Variants in FNBP1 observed in about 807,000 individuals in gnomAD.
FNBP1 encodes the protein formin binding protein 1.
A neutral mutation model predicts 90.6 loss-of-function variants in FNBP1; 26 were observed. That is an observed-to-expected ratio of 0.29 (90% CI 0.21 to 0.40). The LOEUF is 0.40. FNBP1 is among the 10% of genes least tolerant of loss of function. FNBP1 has a pLI of 1.00. For missense variants in FNBP1, 635 were observed against 768.0 expected (o/e 0.83, Z 2.05); for synonymous variants, 260 against 265.2 (o/e 0.98, Z 0.19).
At chr9:130,011,401 T>C (rs1297974738) in intron 1 of FNBP1, among the ~76,000 whole-genome samples, 1 of 151,872 alleles carries the variant, frequency 6.6e-6, no homozygotes, top group East Asian at 1.9e-4. Context: ...GCTAAGGTTT[T>C]AATGAATGTA....
Position 129,889,091 on chromosome 9 carries a change from G to T in FNBP1, c.*1448C>A, listed in dbSNP as rs1035398495. 15 of 215,342 alleles carry T rather than the reference G, an allele frequency of 7.0e-5. No individual in the cohort carries two copies. Among genetic ancestry groups the T allele is most frequent in the South Asian group, 5.8e-4 (3 of 5,184 alleles). 13.3% of individuals were successfully genotyped at this position (215,342 alleles called of 1,614,324 possible). A position where few individuals can be genotyped will look rare whatever the true frequency, so the allele number is the denominator to read the frequency against. ...TGCTCTAAGGCGTGGCGGGGGGGGG[G>T]GGTGGTGGCCACAGATTAGGGGACC... On this transcript the variant is annotated 3_prime_UTR_variant, in exon 17 of 17. Transcript: ENST00000446176.
At chr9:129,924,178 G>A (rs2041536290) in intron 9 of FNBP1, among the ~76,000 whole-genome samples, 152 bp from the exon 10 acceptor site, 1 of 152,184 alleles carries the variant, frequency 6.6e-6, no homozygotes, top group African/African-American at 2.4e-5. Flanking sequence ...ACATGTAGGA[G>A]GTGGTTAAAT....
At chr9:130,049,786 CCCTTT>C in the FNBP1 span, among the ~76,000 whole-genome samples, 4 of 152,082 alleles carry the variant, frequency 2.6e-5, no homozygotes, top group African/African-American at 7.2e-5. Context: ...AGTATCAGTT[CCCTTT>C]CCTTTCCTCC....
chr9:130,012,885 C>T (rs1372777342), intron 1 of FNBP1, among the ~76,000 whole-genome samples: 1 of 152,068 alleles, frequency 6.6e-6, no homozygotes, highest in Non-Finnish European at 1.5e-5. Context: ...GTGATCTGCC[C>T]ACCTCAGCCT....
intron 16 of FNBP1, among the ~76,000 whole-genome samples, chr9:129,891,486 G>T (rs2035102949): frequency 6.6e-6 from 1 of 152,198 alleles, no homozygotes; most frequent in African/African-American, 2.4e-5. Context: ...GAAAAGAAAA[G>T]AAATGCATCA....
At chr9:130,049,650 G>A in the FNBP1 span, among the ~76,000 whole-genome samples, 1 of 151,576 alleles carries the variant, frequency 6.6e-6, no homozygotes, top group Admixed American at 6.6e-5. Context: ...GCAGTGAGCC[G>A]TGATTGCACC....
intron 6 of FNBP1, among the ~76,000 whole-genome samples, chr9:129,931,055 G>A (rs757509355): frequency 5.3e-5 from 8 of 152,070 alleles, no homozygotes; most frequent in Non-Finnish European, 1.2e-4. Flanking sequence ...TGCAATCCCA[G>A]CTCTATGGAA....
At chr9:129,898,188 T>C (rs1423800314) in intron 15 of FNBP1, among the ~76,000 whole-genome samples, 5 of 152,152 alleles carry the variant, frequency 3.3e-5, no homozygotes, top group Non-Finnish European at 7.3e-5. Flanking sequence ...CATCTGACGA[T>C]GACTTTCCTA....
intron 2 of FNBP1, among the ~76,000 whole-genome samples, chr9:129,991,114 T>G (rs1477830471): frequency 3.3e-5 from 5 of 151,726 alleles, no homozygotes; most frequent in African/African-American, 1.2e-4. Flanking sequence ...TTTTGTATTT[T>G]TAGTAGAGAC....
intron 2 of FNBP1, among the ~76,000 whole-genome samples, chr9:129,981,776 AT>A (rs1367257360): frequency 3.3e-5 from 5 of 152,130 alleles, no homozygotes; most frequent in African/African-American, 1.2e-4. Flanking sequence ...CATGACCTCC[AT>A]TGTCCTTCTT....
intron 4 of FNBP1, among the ~76,000 whole-genome samples, chr9:129,961,491 A>C (rs1455780696): frequency 2.0e-5 from 3 of 152,202 alleles, no homozygotes; most frequent in Non-Finnish European, 4.4e-5. Flanking sequence ...AGGAAGTGCT[A>C]GAAATATGCA....
intron 2 of FNBP1, among the ~76,000 whole-genome samples, chr9:129,980,259 C>T (rs552282769): frequency 1.5e-4 from 23 of 151,316 alleles, no homozygotes; most frequent in Non-Finnish European, 2.2e-4. Flanking sequence ...ACTCAGGAGG[C>T]TGAGGCAGAA....
intron 2 of FNBP1, among the ~76,000 whole-genome samples, chr9:129,991,599 C>T (rs567685239): frequency 5.3e-5 from 8 of 151,666 alleles, no homozygotes; most frequent in East Asian, 3.9e-4. Context: ...TGGGGAGATC[C>T]GGAGTTCAGT....
chr9:130,012,057 C>A (rs1333612408), intron 1 of FNBP1, among the ~76,000 whole-genome samples: 1 of 152,120 alleles, frequency 6.6e-6, no homozygotes, highest in Non-Finnish European at 1.5e-5. Flanking sequence ...AAGACATAGA[C>A]AAATACAAAG....
chr9:129,945,278 C>T (rs2045077469), intron 6 of FNBP1, among the ~76,000 whole-genome samples: 1 of 152,092 alleles, frequency 6.6e-6, no homozygotes, highest in South Asian at 2.1e-4. Context: ...TTATACTTTT[C>T]TCTTCTTTGC....
chr9:129,959,255 C>T (rs1314184812), intron 4 of FNBP1, among the ~76,000 whole-genome samples: 2 of 151,886 alleles, frequency 1.3e-5, no homozygotes, highest in African/African-American at 2.4e-5. Flanking sequence ...CGTGATCGTG[C>T]CACTGCACTC....
chr9:129,963,495 G>A (rs1031013546), intron 4 of FNBP1, among the ~76,000 whole-genome samples: 1 of 151,970 alleles, frequency 6.6e-6, no homozygotes, highest in Non-Finnish European at 1.5e-5. Flanking sequence ...CTCTCATGAA[G>A]ACTGCTCAGC....
chr9:130,047,711 A>C (rs555206620), upstream of FNBP1, among the ~76,000 whole-genome samples: 40 of 152,192 alleles, frequency 2.6e-4, 1 homozygote, highest in South Asian at 7.9e-3. Context: ...TAATCTGATC[A>C]CATGGACAGT....
At chr9:129,924,925 C>T (rs767581893) in intron 9 of FNBP1, 35 bp downstream of exon 9, 3 of 1,552,346 alleles carry the variant, frequency 1.9e-6, no homozygotes, top group African/African-American at 1.4e-5. Context: ...AATCTCCACA[C>T]CTTAGAAAAC....
Sources: allele counts gnomAD v4.1 joint callset (sites outside exome capture counted in the v4.1 genomes callset), GRCh38; gene constraint gnomAD v4.1.1; transcripts MANE v1.5; gene names NCBI Gene and HGNC (gene_info 2026-07-23, HGNC 2026-07-21).